The following TASP1 variants were observed in gnomAD, a reference collection of about 807,000 sequenced individuals.
TASP1 encodes threonine aspartase 1.
A neutral mutation model predicts 56.6 loss-of-function variants in TASP1; 16 were observed. That is an observed-to-expected ratio of 0.28 (90% CI 0.19 to 0.43). TASP1 has a LOEUF of 0.43. TASP1 is among the 20% of genes least tolerant of loss of function. TASP1 has a pLI of 1.00. For missense variants in TASP1, 393 were observed against 511.6 expected, an observed-to-expected ratio of 0.77 and a Z score of 2.24; for synonymous variants, 179 against 184.2, an observed-to-expected ratio of 0.97 and a Z score of 0.23.
chr20:13,194,558 TG>T, the TASP1 span, among the ~76,000 whole-genome samples: 1 of 143,332 alleles, frequency 7.0e-6, no homozygotes, highest in Non-Finnish European at 1.5e-5. Context: ...TGTGTGTGTG[TG>T]TGTGTGTGTG....
chr20:13,345,661 C>T, the TASP1 span, among the ~76,000 whole-genome samples: 1 of 152,280 alleles, frequency 6.6e-6, no homozygotes, highest in Non-Finnish European at 1.5e-5. Flanking sequence ...AGAACAGAGC[C>T]ATCAGTGTCT....
intron 11 of TASP1, among the ~76,000 whole-genome samples, chr20:13,466,949 G>A (rs2044282122): frequency 2.0e-5 from 3 of 151,974 alleles, no homozygotes; most frequent in African/African-American, 7.3e-5. Context: ...AGACTTGTCT[G>A]TGCTTTTTTA....
At chr20:13,374,280 CGT>C in the TASP1 span, among the ~76,000 whole-genome samples, 1 of 151,552 alleles carries the variant, frequency 6.6e-6, no homozygotes, top group East Asian at 1.9e-4. Flanking sequence ...TGTGAGCATC[CGT>C]GTGTGTGTGA....
chr20:13,258,341 G>T, the TASP1 span, among the ~76,000 whole-genome samples: 1 of 151,958 alleles, frequency 6.6e-6, no homozygotes, highest in Admixed American at 6.6e-5. Context: ...GCCTCTCCCT[G>T]TCCTTGCATC....
chr20:13,400,039 T>C (rs534684082), intron 13 of TASP1, among the ~76,000 whole-genome samples: 1 of 152,332 alleles, frequency 6.6e-6, no homozygotes, highest in African/African-American at 2.4e-5. Context: ...CTGGAATCCC[T>C]GTACCTCCTA....
At chr20:13,535,946 G>A (rs781121996) in intron 8 of TASP1, among the ~76,000 whole-genome samples, 25 of 152,154 alleles carry the variant, frequency 1.6e-4, no homozygotes, top group Non-Finnish European at 2.9e-4. Flanking sequence ...ACAGCAGTAC[G>A]GAAATGCATT....
chr20:13,362,973 T>C, the TASP1 span, among the ~76,000 whole-genome samples: 1 of 151,952 alleles, frequency 6.6e-6, no homozygotes, highest in African/African-American at 2.4e-5. Context: ...GGGACCCTAA[T>C]ACCCTTGTAG....
At chr20:13,467,399 A>G (rs558185530) in intron 11 of TASP1, among the ~76,000 whole-genome samples, 86 of 149,590 alleles carry the variant, frequency 5.7e-4, no homozygotes, top group African/African-American at 2.1e-3. Flanking sequence ...TTCTTCAACC[A>G]TCTTTAAAAT....
intron 10 of TASP1, among the ~76,000 whole-genome samples, chr20:13,499,405 C>A (rs1439290829): frequency 6.6e-6 from 1 of 151,342 alleles, no homozygotes; most frequent in East Asian, 1.9e-4. Flanking sequence ...CACAATATAC[C>A]CATGTAACAA....
chr20:13,584,259 G>A (rs2047226168), intron 5 of TASP1, among the ~76,000 whole-genome samples: 1 of 152,128 alleles, frequency 6.6e-6, no homozygotes, highest in African/African-American at 2.4e-5. Context: ...ACATATGTTA[G>A]AAGAAAATAC....
intron 12 of TASP1, among the ~76,000 whole-genome samples, chr20:13,423,633 C>G (rs2146108387): frequency 6.6e-6 from 1 of 152,252 alleles, no homozygotes; most frequent in East Asian, 1.9e-4. Flanking sequence ...TACATAGAGT[C>G]TCTCTGGAAG....
intron 6 of TASP1, among the ~76,000 whole-genome samples, chr20:13,574,338 A>G (rs2046826024): frequency 6.6e-6 from 1 of 152,220 alleles, no homozygotes; most frequent in African/African-American, 2.4e-5. Flanking sequence ...TTTTTAAGTA[A>G]CTTAGCCACA....
intron 1 of TASP1, among the ~76,000 whole-genome samples, chr20:13,636,384 T>C (rs922509835): frequency 1.3e-5 from 2 of 150,528 alleles, no homozygotes; most frequent in Non-Finnish European, 3.0e-5. Context: ...GGTCTTGAAC[T>C]CCTGACCTCA....
At chr20:13,535,170 T>G (rs1486609146) in intron 8 of TASP1, among the ~76,000 whole-genome samples, 2 of 152,138 alleles carry the variant, frequency 1.3e-5, no homozygotes, top group Non-Finnish European at 2.9e-5. Flanking sequence ...AGGACTTGGT[T>G]GGTACTGAGA....
intron 10 of TASP1, among the ~76,000 whole-genome samples, chr20:13,508,168 C>T (rs1362102386): frequency 8.6e-5 from 13 of 150,718 alleles, no homozygotes; most frequent in Non-Finnish European, 1.9e-4. Flanking sequence ...GAAGAAGCTC[C>T]ATGACAAATG....
chr20:13,394,058 AT>A (rs2123589706), intron 13 of TASP1, among the ~76,000 whole-genome samples: 1 of 151,960 alleles, frequency 6.6e-6, no homozygotes, highest in African/African-American at 2.4e-5. Flanking sequence ...AGGCAGGCGG[AT>A]CCCCCGAGGT....
At chr20:13,589,753 G>A (rs1320795097) in intron 4 of TASP1, among the ~76,000 whole-genome samples, 2 of 151,948 alleles carry the variant, frequency 1.3e-5, no homozygotes, top group African/African-American at 4.8e-5. Flanking sequence ...AAATTCTACA[G>A]CTCTAAAACA....
intron 4 of TASP1, among the ~76,000 whole-genome samples, chr20:13,620,072 C>G (rs1484030825): frequency 6.6e-6 from 1 of 152,156 alleles, no homozygotes; most frequent in East Asian, 1.9e-4. Flanking sequence ...GCACCCGCCC[C>G]TCCTTTACTT....
chr20:13,129,064 T>G, the TASP1 span, among the ~76,000 whole-genome samples: 1 of 151,900 alleles, frequency 6.6e-6, no homozygotes, highest in Non-Finnish European at 1.5e-5. Flanking sequence ...TTAGTAGAGA[T>G]GGGGTCTCGC....
Sources: gnomAD v4.1 joint callset for allele counts (sites outside exome capture counted in the v4.1 genomes callset) on GRCh38, gnomAD v4.1.1 for gene constraint, MANE v1.5 for transcripts, NCBI Gene and HGNC (gene_info 2026-07-23, HGNC 2026-07-21) for gene names.